The following COX19 variants were observed in gnomAD, a reference collection of about 807,000 sequenced individuals.
The protein encoded by COX19 is cytochrome c oxidase assembly protein COX19.
COX19 carries 8 observed loss-of-function variants against 6.8 expected under a neutral mutation model. That is an observed-to-expected ratio of 1.18 (90% CI 0.69 to 2.12). The LOEUF (loss-of-function observed/expected upper bound fraction) is 2.12, where lower values mean the gene tolerates loss of function less well. Among genes scored for constraint, COX19 ranks in the 30% most tolerant of loss-of-function variants. The pLI, the probability that COX19 is intolerant of heterozygous loss-of-function variation, is 0.00. For synonymous variants in COX19, 51 were observed against 38.0 expected (o/e 1.34, Z -1.26); for missense variants, 131 against 104.6 (o/e 1.25, Z -1.10).
intron 2 of COX19, among the ~76,000 whole-genome samples, chr7:969,945 A>G (rs1343456122): frequency 6.7e-6 from 1 of 148,808 alleles, no homozygotes; most frequent in East Asian, 2.0e-4. Flanking sequence ...TCAGGTCGAC[A>G]GTTATCTGAT....
intron 1 of COX19, 123 bp downstream of exon 1, chr7:975,305 C>G (rs1053416422): frequency 1.2e-4 from 86 of 711,488 alleles, no homozygotes; most frequent in Non-Finnish European, 1.9e-4. Context: ...GAGGGGCGGG[C>G]CGCCGTGCCT....
rs1233733720 is a variant in COX19 at position 968,917 on chromosome 7, C to T, written c.*461G>A. ...TTCTCACTTCCTACTTTGTGTTCCA[C>T]TTTTTTTTTTTTTCAAAGGAAATGA... On this transcript the variant is annotated 3_prime_UTR_variant, in exon 3 of 3. Transcript: ENST00000344111. The T allele has an allele frequency of 1.4e-5, 2 of 147,138 alleles. No individual in the cohort carries two copies. The highest frequency in any genetic ancestry group is 5.0e-5 in the African/African-American group (2 of 40,210). 9.1% of individuals were successfully genotyped at this position (147,138 alleles called of 1,614,324 possible).
In COX19 at chr7:967,486, G is replaced by C. The variant is rs1282355465; in HGVS notation, c.*1892C>G. The C allele has an allele frequency of 6.6e-6, 1 of 152,168 alleles. No individual in the cohort carries two copies. The highest frequency in any genetic ancestry group is 1.5e-5 in the Non-Finnish European group (1 of 68,036). 9.4% of individuals were successfully genotyped at this position (152,168 alleles called of 1,614,324 possible). ...ATCTTTCCTGTCTTTCCCACCTTTG[G>C]TCGACGGTCTTCCCCACACTCCTGA... On this transcript the variant is annotated 3_prime_UTR_variant, in exon 3 of 3. Transcript: ENST00000344111.
chr7:969,053 CA>C lies in COX19; in HGVS notation c.*324del, dbSNP rs1402318658. On this transcript the variant is annotated 3_prime_UTR_variant, in exon 3 of 3. Transcript: ENST00000344111. Reference sequence around the variant, plus strand: ...ATTTATACATTTACCTCTTTGAACTCAGAAAGTATCAGAGGACTGCAACATA... The same window carrying C: ...ATTTATACATTTACCTCTTTGAACTCGAAAGTATCAGAGGACTGCAACATA... 2.4e-5 allele frequency: 6 copies of C among 245,706 alleles called. No homozygotes were observed. Among genetic ancestry groups the C allele is most frequent in the Non-Finnish European group, 2.3e-5 (3 of 128,548 alleles). 15.2% of individuals were successfully genotyped at this position (245,706 alleles called of 1,614,324 possible).
Position 968,094 on chromosome 7 carries a change from C to T in COX19, c.*1284G>A. Reference sequence around the variant, plus strand: ...AGACACGGGACAGTGACAGCTGCAGCCGAATCAGGTGGTAGAACCCATGGG... The same window carrying T: ...AGACACGGGACAGTGACAGCTGCAGTCGAATCAGGTGGTAGAACCCATGGG... On this transcript the variant is annotated 3_prime_UTR_variant, in exon 3 of 3. Coordinates refer to ENST00000344111, the MANE Select transcript of COX19 (RefSeq NM_001031617.3). The T allele has an allele frequency of 6.6e-6, 1 of 152,404 alleles. No homozygotes were observed. The highest frequency in any genetic ancestry group is 1.5e-5 in the Non-Finnish European group (1 of 68,062). 9.4% of individuals were successfully genotyped at this position (152,404 alleles called of 1,614,324 possible).
intron 2 of COX19, among the ~76,000 whole-genome samples, chr7:971,273 T>C (rs6943665): frequency 0.19 from 28,160 of 152,188 alleles, 4,126 homozygotes; most frequent in African/African-American, 0.41. Context: ...TATTTTCACA[T>C]CAGGCAAACA....
At chr7:974,479 AAAC>A (rs536608878) in intron 1 of COX19, among the ~76,000 whole-genome samples, 60 of 152,312 alleles carry the variant, frequency 3.9e-4, no homozygotes, top group African/African-American at 1.4e-3. Context: ...AACATGCTGA[AAAC>A]AACAATGGAA....
chr7:973,249 A>T lies in COX19; in HGVS notation c.126T>A (p.His42Gln). 1 of 1,600,770 alleles carries T rather than the reference A, an allele frequency of 6.2e-7. No homozygotes were observed. The part of the protein sequence containing the change: ...SFKEKFMKCL[H>Q]NNNFENALCR... The stretch of plus-strand genomic sequence containing the variant: ...ACAAAGCATTTTCAAAATTATTGTT[A>T]TGAAGACACTTCATGAATTTCTCTT... The change falls in exon 2 of 3, where the codon CAT becomes CAA. Residue 42 changes from histidine (H) to glutamine (Q), a missense_variant. Coordinates refer to ENST00000344111, the MANE Select transcript of COX19 (RefSeq NM_001031617.3).
intron 1 of COX19, chr7:975,133 C>A: frequency 2.7e-6 from 1 of 366,946 alleles, no homozygotes; most frequent in Non-Finnish European, 4.9e-6. Flanking sequence ...CTCTGCAAAC[C>A]CGGGGCACAG....
Position 973,178 on chromosome 7 carries a change from C to A in COX19, c.194+3G>T, listed in dbSNP as rs1847658359. On this transcript the variant is annotated splice_donor_region_variant and intron_variant, in intron 2 of 2. Coordinates refer to ENST00000344111, the MANE Select transcript of COX19 (RefSeq NM_001031617.3). ...GGAAATCATAACGCTTAGCTGTACT[C>A]ACCTCTCCATCCTGCATTCTAAATA... is the stretch of plus-strand genomic sequence containing the variant. 2 of 1,576,902 alleles carry A rather than the reference C, an allele frequency of 1.3e-6. No individual in the cohort carries two copies. Among genetic ancestry groups the A allele is most frequent in the East Asian group, 2.3e-5 (1 of 43,478 alleles).
At chr7:974,121 CG>C (rs759778425) in intron 1 of COX19, among the ~76,000 whole-genome samples, 12 of 150,682 alleles carry the variant, frequency 8.0e-5, no homozygotes, top group Non-Finnish European at 1.6e-4. Flanking sequence ...CGCTTGAACC[CG>C]GGAGGAGGAG....
intron 1 of COX19, 57 bp from the exon 2 acceptor site, chr7:973,349 A>C (rs187049374): frequency 3.3e-4 from 494 of 1,511,082 alleles, no homozygotes; most frequent in Admixed American, 1.3e-3. Flanking sequence ...ATGCAACCAC[A>C]CAACAGCCTT....
At chr7:969,609 G>A (rs576497876) in intron 2 of COX19, among the ~76,000 whole-genome samples, 153 bp from the exon 3 acceptor site, 1 of 152,286 alleles carries the variant, frequency 6.6e-6, no homozygotes, top group South Asian at 2.1e-4. Context: ...CCCGTGGCTG[G>A]TGCCTTCCCC....
intron 2 of COX19, 153 bp downstream of exon 2, chr7:973,028 G>A: frequency 2.3e-6 from 1 of 429,140 alleles, no homozygotes; most frequent in Non-Finnish European, 4.1e-6. Context: ...CATCTGATAA[G>A]CCTCCATTTC....
Position 964,950 on chromosome 7 carries a change from G to A in COX19, c.*4428C>T, listed in dbSNP as rs17227152. 0.034 allele frequency among the ~76,000 whole-genome samples: 5,135 copies of A among 152,306 alleles called. 132 individuals carry two copies. Among genetic ancestry groups the A allele is most frequent in the South Asian group, 0.08 (385 of 4,828 alleles). ...GCACATGACAGATGATGAACTACCCGAAATATCTCGTGAGAAGCTCTGGCA... is the reference window on the plus strand; with the variant it reads ...GCACATGACAGATGATGAACTACCCAAAATATCTCGTGAGAAGCTCTGGCA... On this transcript the variant is annotated 3_prime_UTR_variant, in exon 3 of 3. Coordinates refer to ENST00000344111, the MANE Select transcript of COX19 (RefSeq NM_001031617.3).
Position 969,499 on chromosome 7 carries a change from A to G in COX19, c.195-43T>C, listed in dbSNP as rs1847605717. On this transcript the variant is annotated intron_variant, in intron 2 of 2. Coordinates refer to ENST00000344111, the MANE Select transcript of COX19 (RefSeq NM_001031617.3). Reference sequence around the variant, plus strand: ...AGCTGTCAGGGCGGGAGGTGCAGAGAGGACAAGAGGGGCCCTTGCAGGCCC... The same window carrying G: ...AGCTGTCAGGGCGGGAGGTGCAGAGGGGACAAGAGGGGCCCTTGCAGGCCC... The G allele has an allele frequency of 4.7e-6, 6 of 1,279,936 alleles. No individual in the cohort carries two copies. In the Admixed American group the frequency reaches 5.2e-5, roughly 11 times the overall value. The allele number at this position is 1,279,936 out of a possible 1,614,324, so 79.3% of individuals were successfully genotyped here.
At chr7:974,991 G>A (rs1847684850) in intron 1 of COX19, 1 of 158,048 alleles carries the variant, frequency 6.3e-6, no homozygotes, top group Non-Finnish European at 1.4e-5. Flanking sequence ...CATGTCCACG[G>A]AGGCAACCCC....
chr7:973,628 C>G (rs1290737778), intron 1 of COX19, among the ~76,000 whole-genome samples: 1 of 151,870 alleles, frequency 6.6e-6, no homozygotes, highest in Non-Finnish European at 1.5e-5. Context: ...CTTGATCACA[C>G]CACTGCACTC....
At chr7:969,654 C>T (rs1019098869) in intron 2 of COX19, among the ~76,000 whole-genome samples, 198 bp from the exon 3 acceptor site, 2 of 152,124 alleles carry the variant, frequency 1.3e-5, no homozygotes, top group Non-Finnish European at 2.9e-5. Context: ...GAGGACATGA[C>T]CACCTAGAGA....
Sources: allele counts gnomAD v4.1 joint callset (sites outside exome capture counted in the v4.1 genomes callset), GRCh38; gene constraint gnomAD v4.1.1; transcripts MANE v1.5; gene names NCBI Gene and HGNC (gene_info 2026-07-23, HGNC 2026-07-21).